Variants in R3HDM2 observed in about 807,000 individuals in gnomAD.
R3HDM2 encodes the protein R3H domain-containing protein 2.
Under a neutral mutation model 124.5 loss-of-function variants are expected in R3HDM2, and 38 were observed. The observed-to-expected ratio is 0.31, with a 90% CI of 0.24 to 0.40. R3HDM2 has a LOEUF of 0.40. Among genes scored for constraint, R3HDM2 ranks in the 10% least tolerant of loss-of-function variants. R3HDM2 has a pLI of 1.00. For missense variants in R3HDM2, 869 were observed against 1,236.9 expected (o/e 0.70, Z 4.46); for synonymous variants, 391 against 448.0 (o/e 0.87, Z 1.61).
At chr12:57,351,080 C>T (rs759599183) in intron 2 of R3HDM2, among the ~76,000 whole-genome samples, 2 of 151,972 alleles carry the variant, frequency 1.3e-5, no homozygotes, top group African/African-American at 4.8e-5. Context: ...CTAGCCTGGG[C>T]GACAGAGTGA....
intron 13 of R3HDM2, among the ~76,000 whole-genome samples, chr12:57,281,287 CA>C (rs71084737): frequency 0.018 from 1,445 of 81,978 alleles, 14 homozygotes; most frequent in African/African-American, 0.059. Context: ...GACTCGGTCT[CA>C]AAAAAAAAAA....
At chr12:57,304,166 A>G (rs7298418) in intron 3 of R3HDM2, among the ~76,000 whole-genome samples, 68,245 of 152,010 alleles carry the variant, frequency 0.45, 15,896 homozygotes, top group South Asian at 0.53. Flanking sequence ...ATACAAAGAA[A>G]GGAGCATAAA....
intron 2 of R3HDM2, among the ~76,000 whole-genome samples, chr12:57,357,381 G>A (rs1593835516): frequency 1.3e-5 from 2 of 151,310 alleles, no homozygotes; most frequent in Non-Finnish European, 2.9e-5. Flanking sequence ...AGAATCGCTT[G>A]AACCTAGGAG....
rs1380264672 is a variant in R3HDM2, at chr12:57,268,404, G to A, written c.1929C>T (p.Pro643=). The change falls in exon 18 of 24, where the codon CCC becomes CCT. Residue 643 remains proline (P), a synonymous_variant. Transcript: ENST00000402412. ...QNVVQPPFQQ[P]MLVPVSQSVQ... ...CAGACTGGCTCACAGGGACCAGCATGGGTTGCTGGAAAGGCGGCTGGACCA... is the reference window on the plus strand; with the variant it reads ...CAGACTGGCTCACAGGGACCAGCATAGGTTGCTGGAAAGGCGGCTGGACCA... 2 of 1,614,122 alleles carry A rather than the reference G, an allele frequency of 1.2e-6. No homozygotes were observed. The highest frequency in any genetic ancestry group is 1.7e-5 in the Admixed American group (1 of 60,012).
chr12:57,400,025 G>A (rs954200883), intron 1 of R3HDM2, among the ~76,000 whole-genome samples: 2 of 152,108 alleles, frequency 1.3e-5, no homozygotes, highest in South Asian at 2.1e-4. Context: ...CCAGTGTGGC[G>A]ATTCCTCAGG....
chr12:57,258,224 C>T lies in R3HDM2; in HGVS notation c.2302-87G>A, dbSNP rs2039638889. 4 of 1,239,970 alleles carry T rather than the reference C, an allele frequency of 3.2e-6. No individual in the cohort carries two copies. In the East Asian group the frequency reaches 1.2e-4, roughly 37 times the overall value. The allele number at this position is 1,239,970 out of a possible 1,614,324, so 76.8% of individuals were successfully genotyped here. On this transcript the variant is annotated intron_variant, in intron 20 of 23. Coordinates refer to ENST00000402412, the MANE Select transcript of R3HDM2 (RefSeq NM_001394031.1). Reference sequence around the variant, plus strand: ...GGCTTGGCTTAAAATTCACCTCTCTCAGGAAATAAGTTTCTCTTGCTGAAC... The same window carrying T: ...GGCTTGGCTTAAAATTCACCTCTCTTAGGAAATAAGTTTCTCTTGCTGAAC...
intron 14 of R3HDM2, among the ~76,000 whole-genome samples, chr12:57,276,590 T>C (rs1160026483): frequency 6.6e-6 from 1 of 152,052 alleles, no homozygotes; most frequent in Non-Finnish European, 1.5e-5. Context: ...CGCAAAGGCA[T>C]AAGAATGATA....
At chr12:57,264,620 ATTTTTTTT>A (rs549188071) in intron 19 of R3HDM2, among the ~76,000 whole-genome samples, 1 of 137,432 alleles carries the variant, frequency 7.3e-6, no homozygotes, top group Non-Finnish European at 1.6e-5. Context: ...TTCCTTCCAG[ATTTTTTTT>A]TTTTTTTTTT....
chr12:57,334,368 A>T (rs1469419146), intron 2 of R3HDM2, among the ~76,000 whole-genome samples: 2 of 152,206 alleles, frequency 1.3e-5, no homozygotes, highest in Non-Finnish European at 2.9e-5. Flanking sequence ...GTTAAATGAT[A>T]ATGTGTTTAT....
chr12:57,389,858 A>G (rs1248803735), intron 2 of R3HDM2, among the ~76,000 whole-genome samples: 1 of 152,182 alleles, frequency 6.6e-6, no homozygotes, highest in Non-Finnish European at 1.5e-5. Flanking sequence ...TCACTAAAAT[A>G]TTTTCACACC....
chr12:57,414,880 T>C (rs1156912076), intron 1 of R3HDM2, among the ~76,000 whole-genome samples: 3 of 151,738 alleles, frequency 2.0e-5, no homozygotes, highest in East Asian at 3.9e-4. Flanking sequence ...TTTCTCTTTA[T>C]AGGAACCATT....
At chr12:57,334,975 CAA>C (rs781478665) in intron 2 of R3HDM2, among the ~76,000 whole-genome samples, 17 of 120,756 alleles carry the variant, frequency 1.4e-4, no homozygotes, top group Admixed American at 2.5e-4. Flanking sequence ...CCACCTCTAC[CAA>C]AAAAAAAAAA....
intron 1 of R3HDM2, among the ~76,000 whole-genome samples, chr12:57,401,581 T>C (rs984215445): frequency 2.6e-5 from 4 of 152,218 alleles, no homozygotes; most frequent in Admixed American, 2.0e-4. Flanking sequence ...CAGCTGACCA[T>C]TGAACAAAAT....
At chr12:57,261,657 T>G (rs1227495420) in intron 19 of R3HDM2, among the ~76,000 whole-genome samples, 1 of 150,678 alleles carries the variant, frequency 6.6e-6, no homozygotes, top group Non-Finnish European at 1.5e-5. Flanking sequence ...CACAGAGCAC[T>G]ACTCCACTGA....
rs1349605875 is a variant in R3HDM2, at chr12:57,390,189, GAAAGA to G, written c.-36+5555_-36+5559del. Among the ~76,000 whole-genome samples the G allele has an allele frequency of 2.5e-3, 376 of 150,402 alleles. 1 individual carries two copies. Among genetic ancestry groups the G allele is most frequent in the African/African-American group, 8.6e-3 (352 of 41,006 alleles). ...GAAATAACTAAAAAAAAAAAAGAAAGAAAGAAAAAAAGAAAAAATATATGAAACAA... is the reference window on the plus strand; with the variant it reads ...GAAATAACTAAAAAAAAAAAAGAAAGAAAAAAGAAAAAATATATGAAACAA... On this transcript the variant is annotated intron_variant, in intron 2 of 23. Transcript: ENST00000402412.
At position 57,427,076 on chromosome 12, in the gene R3HDM2, A is replaced by G. The variant is rs184824413; in HGVS notation, c.-106+3644T>C. Among the ~76,000 whole-genome samples, 1,074 of 152,214 alleles carry G rather than the reference A, an allele frequency of 7.1e-3. 14 individuals are homozygous for G. Among genetic ancestry groups the G allele is most frequent in the African/African-American group, 0.024 (1,017 of 41,578 alleles). ...GGGAGGCCGAGGCAGGAGGATCACC[A>G]GGTCAGGAGTTCAAGACCAGCCTGA... On this transcript the variant is annotated intron_variant, in intron 1 of 23. Transcript: ENST00000402412.
At chr12:57,262,201 G>A (rs2041059027) in intron 19 of R3HDM2, among the ~76,000 whole-genome samples, 1 of 152,074 alleles carries the variant, frequency 6.6e-6, no homozygotes, top group African/African-American at 2.4e-5. Context: ...TTTTTGGTGG[G>A]GGAGTAGGAT....
rs199873508 is a variant in R3HDM2 at position 57,258,936 on chromosome 12, C to G, written c.2255G>C (p.Arg752Pro). The G allele has an allele frequency of 1.2e-6, 2 of 1,611,678 alleles. No homozygotes were observed. Among genetic ancestry groups the G allele is most frequent in the Middle Eastern group, 2.1e-4 (1 of 4,780 alleles). ...GTACAGGTCTCCAGGCTTCTGCCCC[C>G]GCTGGTCCATGCTGTAGTATTTACA... ...SHCKYYSMDQ[R>P]GQKPGDLYSP... is the part of the protein sequence containing the mutation. The change falls in exon 20 of 24, where the codon CGG (arginine) becomes CCG (proline). Residue 752 changes from arginine (R) to proline (P), a missense_variant. Transcript: ENST00000402412.
At chr12:57,279,286 G>A (rs1023927598) in intron 14 of R3HDM2, among the ~76,000 whole-genome samples, 7 of 150,074 alleles carry the variant, frequency 4.7e-5, no homozygotes, top group Non-Finnish European at 7.4e-5. Flanking sequence ...GGGTTCAAGC[G>A]ATTCTCCTGC....
Sources: gnomAD v4.1 joint callset for allele counts (sites outside exome capture counted in the v4.1 genomes callset) on GRCh38, gnomAD v4.1.1 for gene constraint, MANE v1.5 for transcripts, NCBI Gene and HGNC (gene_info 2026-07-23, HGNC 2026-07-21) for gene names.